The following TSNARE1 variants were observed in gnomAD, a reference collection of about 807,000 sequenced individuals.
TSNARE1 encodes t-SNARE domain containing 1, also known as t-SNARE domain-containing protein 1.
TSNARE1 carries 49 observed loss-of-function variants against 62.0 expected under a neutral mutation model. The observed-to-expected ratio is 0.79, with a 90% confidence interval of 0.63 to 1.00. The LOEUF (loss-of-function observed/expected upper bound fraction) is 1.00, where lower values mean the gene tolerates loss of function less well. TSNARE1 is among the 50% of genes least tolerant of loss of function. TSNARE1 has a pLI of 0.00. For missense variants in TSNARE1, 755 were observed against 700.1 expected (o/e 1.08, Z -0.88); for synonymous variants, 328 against 294.4 (o/e 1.11, Z -1.17).
At chr8:142,250,821 G>A (rs1380245229) in intron 12 of TSNARE1, among the ~76,000 whole-genome samples, 2 of 152,216 alleles carry the variant, frequency 1.3e-5, no homozygotes, top group African/African-American at 2.4e-5. Context: ...GGTGATGGAC[G>A]TAGTCCACGT....
At chr8:142,332,130 G>C (rs1831143327) in intron 4 of TSNARE1, among the ~76,000 whole-genome samples, 2 of 152,240 alleles carry the variant, frequency 1.3e-5, no homozygotes, top group South Asian at 2.1e-4. Flanking sequence ...GTGCCCGGAA[G>C]CTACGAGCAC....
chr8:142,279,738 G>C (rs1821101577), intron 11 of TSNARE1: 1 of 357,104 alleles, frequency 2.8e-6, no homozygotes, highest in African/African-American at 2.2e-5. Context: ...TGGGCCTCTG[G>C]GTCTCCCTCG....
At chr8:142,247,662 C>T (rs888574326) in intron 12 of TSNARE1, 3 of 152,238 alleles carry the variant, frequency 2.0e-5, no homozygotes, top group Admixed American at 6.5e-5. Context: ...CTGATCAGCA[C>T]GAGAGCTCTG....
At chr8:142,348,834 G>C (rs541071259) in intron 2 of TSNARE1, among the ~76,000 whole-genome samples, 93 of 152,260 alleles carry the variant, frequency 6.1e-4, no homozygotes, top group African/African-American at 2.2e-3. Flanking sequence ...AGTTATTTAT[G>C]AGTTGACGAC....
At chr8:142,357,322 G>A (rs1834823637) in intron 1 of TSNARE1, among the ~76,000 whole-genome samples, 1 of 152,250 alleles carries the variant, frequency 6.6e-6, no homozygotes, top group Non-Finnish European at 1.5e-5. Context: ...CAAACCCCAG[G>A]TGGGGAGGGT....
At chr8:142,367,513 G>A (rs545130417) in intron 1 of TSNARE1, among the ~76,000 whole-genome samples, 27 of 150,360 alleles carry the variant, frequency 1.8e-4, no homozygotes, top group South Asian at 1.3e-3. Flanking sequence ...ACAGATGGAC[G>A]CCGGGGCGGG....
intron 13 of TSNARE1, among the ~76,000 whole-genome samples, chr8:142,225,814 G>A (rs1345396991): frequency 6.6e-6 from 1 of 152,210 alleles, no homozygotes; most frequent in African/African-American, 2.4e-5. Flanking sequence ...GTATGCGGGC[G>A]GTGCTCTAAA....
intron 12 of TSNARE1, among the ~76,000 whole-genome samples, chr8:142,249,171 T>A (rs1271244298): frequency 1.3e-5 from 2 of 152,194 alleles, no homozygotes; most frequent in Non-Finnish European, 2.9e-5. Flanking sequence ...CCCCAATTTA[T>A]AACATGAGGA....
intron 6 of TSNARE1, among the ~76,000 whole-genome samples, chr8:142,320,892 T>C (rs1829390709): frequency 1.3e-5 from 2 of 152,244 alleles, no homozygotes; most frequent in Non-Finnish European, 2.9e-5. Context: ...AACATCCTCA[T>C]GGAGCCATTA....
intron 1 of TSNARE1, among the ~76,000 whole-genome samples, chr8:142,357,768 T>C (rs1563981798): frequency 6.6e-6 from 1 of 152,112 alleles, no homozygotes; most frequent in Non-Finnish European, 1.5e-5. Context: ...GAGTCCACTG[T>C]GTAGGGACAG....
intron 13 of TSNARE1, among the ~76,000 whole-genome samples, chr8:142,220,595 C>T (rs545275725): frequency 6.6e-6 from 1 of 152,322 alleles, no homozygotes; most frequent in African/African-American, 2.4e-5. Flanking sequence ...GGAACCAGGC[C>T]CTCTCGGGCT....
chr8:142,387,143 G>C (rs935232666), intron 1 of TSNARE1, among the ~76,000 whole-genome samples: 1 of 152,120 alleles, frequency 6.6e-6, no homozygotes, highest in African/African-American at 2.4e-5. Flanking sequence ...AACTGGAATA[G>C]TAACAAAATC....
At chr8:142,218,056 CAG>C (rs1563751268) in intron 13 of TSNARE1, among the ~76,000 whole-genome samples, 3 of 114,388 alleles carry the variant, frequency 2.6e-5, no homozygotes, top group Non-Finnish European at 5.4e-5. Flanking sequence ...GATCAGGGCT[CAG>C]AGTGTGAGCA....
intron 12 of TSNARE1, among the ~76,000 whole-genome samples, chr8:142,257,978 TCA>T (rs896501887): frequency 5.3e-5 from 8 of 151,926 alleles, no homozygotes; most frequent in African/African-American, 1.9e-4. Context: ...CCGTGCTGTC[TCA>T]CAGACACAAC....
intron 1 of TSNARE1, among the ~76,000 whole-genome samples, chr8:142,381,790 C>T (rs902263016): frequency 6.6e-6 from 1 of 152,202 alleles, no homozygotes; most frequent in South Asian, 2.1e-4. Context: ...CCCCGCAGCT[C>T]GGCGTCCTGG....
intron 5 of TSNARE1, among the ~76,000 whole-genome samples, chr8:142,331,196 C>G (rs888758296): frequency 6.6e-6 from 1 of 152,234 alleles, no homozygotes; most frequent in Non-Finnish European, 1.5e-5. Context: ...AACAGGTGCT[C>G]AGGCCCACAT....
intron 11 of TSNARE1, 109 bp from the exon 12 acceptor site, chr8:142,274,972 A>G: frequency 7.2e-7 from 1 of 1,392,388 alleles, no homozygotes; most frequent in South Asian, 1.7e-5. Context: ...GGGCCTGCAG[A>G]GGAGCAGAGG....
intron 13 of TSNARE1, among the ~76,000 whole-genome samples, chr8:142,222,732 C>T (rs141375003): frequency 2.9e-4 from 18 of 62,214 alleles, no homozygotes; most frequent in East Asian, 1.0e-3. Flanking sequence ...ACTCACTCAT[C>T]CACTCACTCA....
intron 12 of TSNARE1, among the ~76,000 whole-genome samples, chr8:142,272,038 G>A (rs1349067137): frequency 6.6e-6 from 1 of 151,852 alleles, no homozygotes; most frequent in Non-Finnish European, 1.5e-5. Context: ...CCGCCATCCT[G>A]CTACCCAAGT....
Sources: gnomAD v4.1 joint callset for allele counts (sites outside exome capture counted in the v4.1 genomes callset) on GRCh38, gnomAD v4.1.1 for gene constraint, MANE v1.5 for transcripts, NCBI Gene and HGNC (gene_info 2026-07-23, HGNC 2026-07-21) for gene names.